Variants in C8orf34 observed in about 807,000 individuals in gnomAD.
The protein encoded by C8orf34 is chromosome 8 open reading frame 34, also known as uncharacterized protein C8orf34.
Under a neutral mutation model 68.3 loss-of-function variants are expected in C8orf34, and 65 were observed. The observed-to-expected ratio is 0.95, with a 90% CI of 0.78 to 1.17. The LOEUF (loss-of-function observed/expected upper bound fraction) is 1.17. C8orf34 is among the 50% of genes most tolerant of loss of function. C8orf34 has a pLI of 0.00. For synonymous variants in C8orf34, 244 were observed against 241.2 expected, an observed-to-expected ratio of 1.01 and a Z score of -0.11; for missense variants, 664 against 655.4, an observed-to-expected ratio of 1.01 and a Z score of -0.14.
intron 12 of C8orf34, among the ~76,000 whole-genome samples, chr8:68,790,540 A>C (rs1428924330): frequency 6.6e-6 from 1 of 152,230 alleles, no homozygotes; most frequent in East Asian, 1.9e-4. Flanking sequence ...AATTTTTATA[A>C]ATCAGCACCT....
intron 2 of C8orf34, 106 bp from the exon 3 acceptor site, chr8:68,446,223 G>A (rs1384313934): frequency 1.2e-6 from 1 of 838,696 alleles, no homozygotes; most frequent in East Asian, 2.5e-5. Context: ...TTGATATGAG[G>A]TGACCTATAT....
chr8:68,586,806 T>C (rs1817222645), intron 7 of C8orf34, among the ~76,000 whole-genome samples: 1 of 152,098 alleles, frequency 6.6e-6, no homozygotes, highest in East Asian at 1.9e-4. Flanking sequence ...AGCAAAGAAA[T>C]AGGAACATGC....
intron 1 of C8orf34, among the ~76,000 whole-genome samples, chr8:68,381,766 G>A (rs1268577550): frequency 1.2e-4 from 16 of 130,292 alleles, no homozygotes; most frequent in Admixed American, 1.2e-3. Flanking sequence ...AAAAAAATAG[G>A]TATATTAAAT....
intron 3 of C8orf34, among the ~76,000 whole-genome samples, chr8:68,465,666 T>C (rs1160265703): frequency 1.3e-5 from 2 of 151,824 alleles, no homozygotes; most frequent in African/African-American, 4.8e-5. Flanking sequence ...ACGGATGAAA[T>C]TGGAAATCAT....
At chr8:68,606,514 T>C (rs1350567731) in intron 7 of C8orf34, among the ~76,000 whole-genome samples, 3 of 151,940 alleles carry the variant, frequency 2.0e-5, no homozygotes, top group East Asian at 3.9e-4. Flanking sequence ...TAATCAGAGG[T>C]TGCTGTATTT....
chr8:68,741,436 A>G (rs1023563567), intron 10 of C8orf34, among the ~76,000 whole-genome samples: 1 of 152,182 alleles, frequency 6.6e-6, no homozygotes, highest in Admixed American at 6.5e-5. Flanking sequence ...GGGTATTCAT[A>G]ACCTCAAGCA....
chr8:68,437,726 T>C (rs1301404926), intron 1 of C8orf34, among the ~76,000 whole-genome samples: 1 of 152,156 alleles, frequency 6.6e-6, no homozygotes, highest in Non-Finnish European at 1.5e-5. Flanking sequence ...TTTTTCAGAA[T>C]ATAAAAAGTA....
chr8:68,598,173 A>G (rs1817600204), intron 7 of C8orf34, among the ~76,000 whole-genome samples: 1 of 152,120 alleles, frequency 6.6e-6, no homozygotes, highest in South Asian at 2.1e-4. Context: ...AGATGGGCCA[A>G]TTTTCATAAT....
At chr8:68,478,993 C>T (rs1452330053) in intron 4 of C8orf34, among the ~76,000 whole-genome samples, 1 of 152,086 alleles carries the variant, frequency 6.6e-6, no homozygotes, top group African/African-American at 2.4e-5. Flanking sequence ...TTGTCTGTGA[C>T]TGGGGGCTTA....
chr8:68,743,373 G>A (rs1030657080), intron 10 of C8orf34, among the ~76,000 whole-genome samples: 2 of 152,160 alleles, frequency 1.3e-5, no homozygotes, highest in African/African-American at 2.4e-5. Context: ...CAAGATGGCC[G>A]AATAGGAACA....
chr8:68,816,070 C>T, intron 13 of C8orf34, 125 bp downstream of exon 13: 1 of 1,468,486 alleles, frequency 6.8e-7, no homozygotes. Flanking sequence ...GGTTTTTCTC[C>T]AAGTATCCTG....
At chr8:68,749,543 T>G (rs983660300) in intron 10 of C8orf34, among the ~76,000 whole-genome samples, 2 of 147,406 alleles carry the variant, frequency 1.4e-5, no homozygotes, top group Non-Finnish European at 3.0e-5. Context: ...ATAATGCAGT[T>G]TGAAGACACT....
intron 1 of C8orf34, among the ~76,000 whole-genome samples, chr8:68,375,182 A>G (rs1207471719): frequency 3.9e-5 from 6 of 152,316 alleles, no homozygotes; most frequent in Admixed American, 3.3e-4. Context: ...AAAGTGACAT[A>G]GAAAGTTGAC....
rs1466569962 is a variant in C8orf34, at chr8:68,626,419, C to A, written c.1106-13957C>A. On this transcript the variant is annotated intron_variant, in intron 7 of 13. Coordinates refer to ENST00000518698, the MANE Select transcript of C8orf34 (RefSeq NM_052958.4). ...AAAGTAAACTGACTTCAGACAGAGT[C>A]AACTTTACTAATGACAAATTTAGAG... Among the ~76,000 whole-genome samples the A allele has an allele frequency of 7.2e-5, 11 of 152,282 alleles. No individual in the cohort carries two copies. In the South Asian group the frequency reaches 2.3e-3, roughly 32 times the overall value.
intron 9 of C8orf34, among the ~76,000 whole-genome samples, chr8:68,711,887 G>A (rs938515105): frequency 3.3e-5 from 5 of 152,232 alleles, no homozygotes; most frequent in Admixed American, 1.3e-4. Flanking sequence ...ATAGTCATCA[G>A]GTTATCTAAA....
intron 7 of C8orf34, among the ~76,000 whole-genome samples, chr8:68,572,657 C>A (rs1816791171): frequency 6.6e-6 from 1 of 151,816 alleles, no homozygotes; most frequent in Non-Finnish European, 1.5e-5. Context: ...GAAGCTATAC[C>A]TAGGGGGACT....
intron 10 of C8orf34, among the ~76,000 whole-genome samples, chr8:68,737,949 C>A (rs1173613684): frequency 6.6e-6 from 1 of 152,116 alleles, no homozygotes; most frequent in African/African-American, 2.4e-5. Context: ...ACAATACTCT[C>A]CATCCCAAAA....
chr8:68,613,975 T>A (rs1289641677), intron 7 of C8orf34, among the ~76,000 whole-genome samples: 1 of 152,162 alleles, frequency 6.6e-6, no homozygotes, highest in African/African-American at 2.4e-5. Flanking sequence ...TTTTAATGAT[T>A]GGCATTCTAA....
chr8:68,627,052 C>T (rs945468178), intron 7 of C8orf34, among the ~76,000 whole-genome samples: 1 of 151,344 alleles, frequency 6.6e-6, no homozygotes, highest in Non-Finnish European at 1.5e-5. Flanking sequence ...CAAGATTTTG[C>T]AGTGTTTTTC....
Sources: allele counts gnomAD v4.1 joint callset (sites outside exome capture counted in the v4.1 genomes callset), GRCh38; gene constraint gnomAD v4.1.1; transcripts MANE v1.5; gene names NCBI Gene and HGNC (gene_info 2026-07-23, HGNC 2026-07-21).